CDON: variants seen among roughly 807,000 people sequenced by gnomAD.
CDON encodes cell adhesion associated, oncogene regulated, also known as cell adhesion molecule-related/down-regulated by oncogenes.
CDON carries 73 observed loss-of-function variants against 120.9 expected under a neutral mutation model. The observed-to-expected ratio is 0.60, with a 90% CI of 0.50 to 0.73. The LOEUF is 0.73. CDON is among the 30% of genes least tolerant of loss of function. The probability of loss-of-function intolerance (pLI) is 0.00; values close to 1 mark genes in which losing one functional copy is unlikely to be tolerated. For synonymous variants in CDON, 566 were observed against 573.5 expected, an observed-to-expected ratio of 0.99 and a Z score of 0.19; for missense variants, 1,470 against 1,587.3, an observed-to-expected ratio of 0.93 and a Z score of 1.26.
intron 18 of CDON, among the ~76,000 whole-genome samples, chr11:125,963,263 C>T (rs1392953218): frequency 6.6e-6 from 1 of 152,142 alleles, no homozygotes; most frequent in African/African-American, 2.4e-5. Context: ...GATGATCAAG[C>T]TATTCTACCA....
chr11:126,038,635 G>A (rs1376031143), intron 1 of CDON, among the ~76,000 whole-genome samples: 1 of 151,484 alleles, frequency 6.6e-6, no homozygotes, highest in Non-Finnish European at 1.5e-5. Context: ...CTGGGCAACA[G>A]GAGCGAAACT....
chr11:126,015,271 G>A lies in CDON; in HGVS notation c.1168C>T (p.His390Tyr), dbSNP rs1026069027. ...TCAATTTCAAGTCTTCCAGTAGAGT[G>A]CATAAATCCAATCCCATTATCTGCT... is the stretch of plus-strand genomic sequence containing the variant. ...CVADNGIGFM[H>Y]STGRLEIEND... is the part of the protein sequence containing the mutation. The change falls in exon 7 of 20, where the codon CAC (histidine) becomes TAC (tyrosine). Residue 390 changes from histidine (H) to tyrosine (Y), a missense_variant. By Grantham distance (83) the His-to-Tyr change is moderately conservative (BLOSUM62 2). Coordinates refer to ENST00000531738, the MANE Select transcript of CDON (RefSeq NM_001378964.1). 1.1e-5 allele frequency: 17 copies of A among 1,614,016 alleles called. No homozygotes were observed. The highest frequency in any genetic ancestry group is 1.4e-5 in the Non-Finnish European group (17 of 1,179,934).
At chr11:126,060,933 AG>A (rs1226489857) in intron 1 of CDON, among the ~76,000 whole-genome samples, 1 of 152,236 alleles carries the variant, frequency 6.6e-6, no homozygotes, top group Admixed American at 6.5e-5. Context: ...TTGTACTTGA[AG>A]GCTTGAGAGT....
chr11:126,050,330 T>C (rs942921736), intron 1 of CDON, among the ~76,000 whole-genome samples: 3 of 151,976 alleles, frequency 2.0e-5, no homozygotes, highest in Non-Finnish European at 4.4e-5. Flanking sequence ...AAGACTAAAG[T>C]TCCAAATAAC....
chr11:125,969,298 C>T (rs888598993), intron 18 of CDON, among the ~76,000 whole-genome samples: 1 of 152,082 alleles, frequency 6.6e-6, no homozygotes, highest in East Asian at 1.9e-4. Flanking sequence ...ACGCCTGGAC[C>T]GTGAAAACAA....
chr11:126,028,481 G>C (rs775819721), intron 1 of CDON, among the ~76,000 whole-genome samples: 20 of 151,968 alleles, frequency 1.3e-4, no homozygotes, highest in Admixed American at 3.3e-4. Context: ...CTCTGCCTCA[G>C]CCTCCCAAGT....
At position 125,988,147 on chromosome 11, in the gene CDON, C is replaced by G. The variant is rs764048539; in HGVS notation, c.2773+1490G>C. On this transcript the variant is annotated intron_variant, in intron 15 of 19. Transcript: ENST00000531738. ...AACCCCACAGAACTCTGGGATAAAT[C>G]TGGTCAATGGTTTAGGGGCTGTGTG... 5.9e-5 allele frequency among the ~76,000 whole-genome samples: 9 copies of G among 152,078 alleles called. No individual in the cohort carries two copies. In the South Asian group the frequency reaches 6.2e-4, roughly 11 times the overall value.
Position 125,961,892 on chromosome 11 carries a change from C to A in CDON, c.3463G>T (p.Val1155Leu). ...DGLEMKPLSH[V>L]KVPVCLTSAV... The stretch of plus-strand genomic sequence containing the variant: ...GAAGTCAGGCATACAGGCACCTTCA[C>A]GTGACTGAGGGGCTTCATTTCCAAA... Residue 1155 changes from valine to leucine, a missense_variant, in exon 19 of 20, where the codon GTG becomes TTG. Physicochemically the swap from Val to Leu is conservative, Grantham distance 32. Coordinates refer to ENST00000531738, the MANE Select transcript of CDON (RefSeq NM_001378964.1). 6.2e-7 allele frequency: 1 copy of A among 1,614,180 alleles called. No homozygotes were observed. The highest frequency in any genetic ancestry group is 2.2e-5 in the East Asian group (1 of 44,880).
intron 1 of CDON, among the ~76,000 whole-genome samples, chr11:126,059,493 G>A (rs1442119071): frequency 2.5e-3 from 73 of 29,570 alleles, no homozygotes; most frequent in African/African-American, 9.9e-3. Context: ...CCCCCTGCCC[G>A]CATCCCCCCA....
chr11:126,050,195 T>C (rs953042935), intron 1 of CDON, among the ~76,000 whole-genome samples: 1 of 150,116 alleles, frequency 6.7e-6, no homozygotes, highest in Non-Finnish European at 1.5e-5. Flanking sequence ...AGCTTGTGGT[T>C]TAGAAATGTC....
chr11:126,021,273 A>C lies in CDON; in HGVS notation c.324T>G (p.Ser108Arg). 1 of 1,614,118 alleles carries C rather than the reference A, an allele frequency of 6.2e-7. No homozygotes were observed. Among genetic ancestry groups the C allele is most frequent in the African/African-American group, 1.3e-5 (1 of 75,050 alleles). Residue 108 changes from serine to arginine, a missense_variant, in exon 3 of 20, where the codon AGT (serine) becomes AGG (arginine). By Grantham distance (110) the Ser-to-Arg change is moderately radical. Coordinates refer to ENST00000531738, the MANE Select transcript of CDON (RefSeq NM_001378964.1). ...LANNSIGAIV[S>R]GPATVSVAVL... ...CTGCCACAGATACTGTCGCAGGGCC[A>C]CTCACAATGGCACCGATGCTATTGT...
chr11:126,023,472 T>C lies in CDON; in HGVS notation c.5A>G (p.His2Arg), dbSNP rs770365102. 1.1e-5 allele frequency: 17 copies of C among 1,610,702 alleles called. No homozygotes were observed. Among genetic ancestry groups the C allele is most frequent in the Non-Finnish European group, 1.4e-5 (16 of 1,176,984 alleles). ...TGTACATAAGGGTCCAAGATCCGGATGCATAGCGCCAGATTACAGAAGCAA... is the reference window on the plus strand; with the variant it reads ...TGTACATAAGGGTCCAAGATCCGGACGCATAGCGCCAGATTACAGAAGCAA... M[H>R]PDLGPLCTLL... Residue 2 changes from histidine (H) to arginine (R), a missense_variant, in exon 2 of 20, where the codon CAT (histidine) becomes CGT (arginine). Coordinates refer to ENST00000531738, the MANE Select transcript of CDON (RefSeq NM_001378964.1).
chr11:126,017,897 C>A (rs1947517042), intron 5 of CDON, among the ~76,000 whole-genome samples: 1 of 151,970 alleles, frequency 6.6e-6, no homozygotes, highest in Non-Finnish European at 1.5e-5. Flanking sequence ...ATAATGCATT[C>A]ATGTATTTAC....
rs1392081339 is a variant in CDON at position 126,010,474 on chromosome 11, C to T, written c.1419G>A (p.Val473=). The part of the protein sequence containing the change: ...SRPEGLNLEP[V]YFVLSQAGAS... The stretch of plus-strand genomic sequence containing the variant: ...CACCAGCTTGGGACAGGACGAAGTA[C>T]ACAGGCTCCAGGTTCAAGCCCTCAG... The change falls in exon 8 of 20, where the codon GTG becomes GTA. Residue 473 remains valine (V), a synonymous_variant. Coordinates refer to ENST00000531738, the MANE Select transcript of CDON (RefSeq NM_001378964.1). 1.2e-6 allele frequency: 2 copies of T among 1,614,102 alleles called. No homozygotes were observed. Among genetic ancestry groups the T allele is most frequent in the African/African-American group, 1.3e-5 (1 of 75,008 alleles).
rs1455784879 is a variant in CDON, at chr11:125,960,649, T to C, written c.*293A>G. The stretch of plus-strand genomic sequence containing the variant: ...GCATGAGGAGCTCTTGCTGTCACTA[T>C]AGCTGTTAGAAAACATGGAAGGACC... On this transcript the variant is annotated 3_prime_UTR_variant, in exon 20 of 20. Transcript: ENST00000531738. 3.3e-5 allele frequency: 14 copies of C among 418,992 alleles called. No individual in the cohort carries two copies. The highest frequency in any genetic ancestry group is 5.7e-5 in the Non-Finnish European group (13 of 226,780). The allele number at this position is 418,992 out of a possible 1,614,324, so 26.0% of individuals were successfully genotyped here.
chr11:126,051,487 C>A (rs1198225725), intron 1 of CDON, among the ~76,000 whole-genome samples: 1 of 152,126 alleles, frequency 6.6e-6, no homozygotes, highest in Non-Finnish European at 1.5e-5. Flanking sequence ...AAGATACATG[C>A]AGTCCAAACC....
intron 1 of CDON, among the ~76,000 whole-genome samples, chr11:126,059,480 A>AC (rs1325001516): frequency 1.5e-5 from 2 of 133,704 alleles, no homozygotes; most frequent in African/African-American, 2.8e-5. Context: ...CACCCCCTCA[A>AC]CCCCCCCTGC....
intron 3 of CDON, 35 bp from the exon 4 acceptor site, chr11:126,019,800 T>C: frequency 6.4e-7 from 1 of 1,572,612 alleles, no homozygotes; most frequent in Non-Finnish European, 8.7e-7. Context: ...AATAAATACA[T>C]GCAAATTTGA....
chr11:125,981,098 G>C lies in CDON; in HGVS notation c.3227C>G (p.Ser1076Cys). 1 of 1,614,196 alleles carries C rather than the reference G, an allele frequency of 6.2e-7. No individual in the cohort carries two copies. Among genetic ancestry groups the C allele is most frequent in the Non-Finnish European group, 8.5e-7 (1 of 1,180,022 alleles). ...AAAATCCACGTGTGTCCTGGTTAGA[G>C]AGTTGCTGTGCCCGGAGTAAAGCCC... Reference protein sequence around the residue: ...NGGLYSGHSNSLTRTHVDFEH... With the variant: ...NGGLYSGHSNCLTRTHVDFEH... The change falls in exon 17 of 20, where the codon TCT (serine) becomes TGT (cysteine). Residue 1076 changes from serine to cysteine, a missense_variant. Coordinates refer to ENST00000531738, the MANE Select transcript of CDON (RefSeq NM_001378964.1).
Sources: allele counts gnomAD v4.1 joint callset (sites outside exome capture counted in the v4.1 genomes callset), GRCh38; gene constraint gnomAD v4.1.1; transcripts MANE v1.5; gene names NCBI Gene and HGNC (gene_info 2026-07-23, HGNC 2026-07-21).